EXOC6B: variants seen among roughly 807,000 people sequenced by gnomAD.
EXOC6B encodes SEC15 homolog B.
In EXOC6B, 54 loss-of-function variants were observed where a neutral mutation model predicts 113.5. That is an observed-to-expected ratio of 0.48 (90% CI 0.38 to 0.60). EXOC6B has a LOEUF of 0.60. EXOC6B is among the 20% of genes least tolerant of loss of function. The probability of loss-of-function intolerance (pLI) is 0.00; values close to 1 mark genes in which losing one functional copy is unlikely to be tolerated. For missense variants in EXOC6B, 797 were observed against 977.5 expected, an observed-to-expected ratio of 0.82 and a Z score of 2.46; for synonymous variants, 357 against 339.0, an observed-to-expected ratio of 1.05 and a Z score of -0.58.
intron 16 of EXOC6B, among the ~76,000 whole-genome samples, chr2:72,489,569 G>A (rs1408300458): frequency 6.6e-6 from 1 of 152,102 alleles, no homozygotes; most frequent in Non-Finnish European, 1.5e-5. Context: ...ACATTCCTGT[G>A]AAATACATGC....
intron 18 of EXOC6B, among the ~76,000 whole-genome samples, chr2:72,392,109 C>T (rs1245816912): frequency 3.9e-5 from 6 of 151,986 alleles, no homozygotes; most frequent in African/African-American, 1.5e-4. Flanking sequence ...GTCCTGGTTC[C>T]TCATTTCTGT....
rs180951377 is a variant in EXOC6B at position 72,423,328 on chromosome 2, C to T, written c.1980+41832G>A. On this transcript the variant is annotated intron_variant, in intron 18 of 21. Transcript: ENST00000272427. ...CCACCTTAAGAGCTGTAACACTCAC[C>T]GCGAGGGTCCGTGGCTTCATTCTCG... Among the ~76,000 whole-genome samples, 412 of 152,206 alleles carry T rather than the reference C, an allele frequency of 2.7e-3. 1 individual carries two copies. The highest frequency in any genetic ancestry group is 9.3e-3 in the African/African-American group (386 of 41,536).
intron 18 of EXOC6B, among the ~76,000 whole-genome samples, chr2:72,447,287 T>C (rs1357149146): frequency 1.3e-5 from 2 of 152,212 alleles, no homozygotes; most frequent in African/African-American, 4.8e-5. Flanking sequence ...TTTATTTCAT[T>C]TTTGTATCAT....
Position 72,184,156 on chromosome 2 carries a change from G to A in EXOC6B, c.2228C>T (p.Ser743Leu). The A allele has an allele frequency of 6.4e-7, 1 of 1,558,846 alleles. No individual in the cohort carries two copies. The highest frequency in any genetic ancestry group is 8.7e-7 in the Non-Finnish European group (1 of 1,150,498). The change falls in exon 21 of 22, where the codon TCA becomes TTA. Residue 743 changes from serine (S) to leucine (L), a missense_variant. Coordinates refer to ENST00000272427, the MANE Select transcript of EXOC6B (RefSeq NM_015189.3). ...CTGACCATAGTCAGCAAGGTAGGTT[G>A]ACCAATCCCACTGGATGAAAAGATC... ...LLDLFIQWDWSTYLADYGQPN... is the reference protein window; with the variant it reads ...LLDLFIQWDWLTYLADYGQPN...
chr2:72,223,280 C>T (rs536313103), intron 20 of EXOC6B, among the ~76,000 whole-genome samples: 12 of 152,302 alleles, frequency 7.9e-5, no homozygotes, highest in South Asian at 2.1e-4. Context: ...TGTTTTAAAT[C>T]GGACCATACA....
chr2:72,704,603 A>T (rs898947968), intron 6 of EXOC6B, among the ~76,000 whole-genome samples: 6 of 152,186 alleles, frequency 3.9e-5, no homozygotes, highest in Non-Finnish European at 7.3e-5. Flanking sequence ...AGAAAAAAAG[A>T]GAGAAGAATC....
chr2:72,559,550 T>A (rs1703766423), intron 7 of EXOC6B, 29 bp from the exon 8 acceptor site: 7 of 1,589,894 alleles, frequency 4.4e-6, no homozygotes, highest in Middle Eastern at 3.4e-4. Context: ...AACAAAAAAA[T>A]TCAAACAAAG....
chr2:72,807,900 T>C (rs1292266774), intron 1 of EXOC6B, among the ~76,000 whole-genome samples: 4 of 151,888 alleles, frequency 2.6e-5, no homozygotes, highest in South Asian at 2.1e-4. Context: ...CACAACAGGA[T>C]GACTATAGTC....
At chr2:72,640,786 A>C (rs1157358321) in intron 6 of EXOC6B, among the ~76,000 whole-genome samples, 1 of 152,194 alleles carries the variant, frequency 6.6e-6, no homozygotes, top group Non-Finnish European at 1.5e-5. Flanking sequence ...AAAATCTGCC[A>C]AGCAAATAGA....
At chr2:72,705,262 G>C (rs1253261549) in intron 6 of EXOC6B, among the ~76,000 whole-genome samples, 2 of 152,114 alleles carry the variant, frequency 1.3e-5, no homozygotes, top group East Asian at 3.9e-4. Flanking sequence ...AAAAGCCTTT[G>C]ACAAAATTCA....
At chr2:72,493,856 T>C (rs1470631381) in intron 15 of EXOC6B, among the ~76,000 whole-genome samples, 1 of 152,110 alleles carries the variant, frequency 6.6e-6, no homozygotes, top group Non-Finnish European at 1.5e-5. Flanking sequence ...TGCATTAAAA[T>C]CTGAATGCAG....
intron 6 of EXOC6B, among the ~76,000 whole-genome samples, chr2:72,603,070 A>G (rs1322067957): frequency 5.1e-5 from 2 of 39,224 alleles, no homozygotes; most frequent in African/African-American, 1.4e-4. Context: ...GTACGGACAG[A>G]TGGTTTTTTT....
intron 20 of EXOC6B, among the ~76,000 whole-genome samples, chr2:72,192,029 G>C (rs1678872397): frequency 6.6e-6 from 1 of 152,142 alleles, no homozygotes; most frequent in Non-Finnish European, 1.5e-5. Flanking sequence ...CCTCCTCCTG[G>C]ACTGTCTGTT....
chr2:72,547,309 C>T (rs930074927), intron 8 of EXOC6B, among the ~76,000 whole-genome samples: 2 of 152,048 alleles, frequency 1.3e-5, no homozygotes, highest in Admixed American at 6.6e-5. Flanking sequence ...CTAAAAATGT[C>T]CATGTATTTT....
At chr2:72,189,016 A>G (rs1346390066) in intron 20 of EXOC6B, among the ~76,000 whole-genome samples, 2 of 152,198 alleles carry the variant, frequency 1.3e-5, no homozygotes, top group African/African-American at 4.8e-5. Flanking sequence ...GTTCCTAAGG[A>G]TTAGGAATAT....
In EXOC6B at chr2:72,514,946, C is replaced by CATACACAG. The variant is rs1353603032; in HGVS notation, c.999+96_999+97insCTGTGTAT. The stretch of plus-strand genomic sequence containing the variant: ...TGGTCTCAGAATGACAGTAAACACA[C>CATACACAG]ACACACAGACACACACACACACACA... On this transcript the variant is annotated intron_variant, in intron 9 of 21. Transcript: ENST00000272427. 1.8e-4 allele frequency: 187 copies of CATACACAG among 1,043,918 alleles called. No individual in the cohort carries two copies. The African/African-American group carries it at 4.3e-3, about 24-fold the overall frequency. 64.7% of individuals were successfully genotyped at this position (1,043,918 alleles called of 1,614,324 possible).
intron 18 of EXOC6B, among the ~76,000 whole-genome samples, chr2:72,404,169 C>T (rs1693555884): frequency 6.6e-6 from 1 of 152,092 alleles, no homozygotes; most frequent in Admixed American, 6.5e-5. Context: ...GGGAGGGGCG[C>T]CCACCATTGC....
At chr2:72,767,057 C>T (rs1245366399) in intron 1 of EXOC6B, among the ~76,000 whole-genome samples, 2 of 150,404 alleles carry the variant, frequency 1.3e-5, no homozygotes, top group Non-Finnish European at 3.0e-5. Flanking sequence ...AAAAATGAAA[C>T]ATGGGACACC....
chr2:72,558,417 C>G (rs1703692541), intron 8 of EXOC6B, among the ~76,000 whole-genome samples: 1 of 152,102 alleles, frequency 6.6e-6, no homozygotes, highest in Admixed American at 6.5e-5. Context: ...ACCATAAAGT[C>G]CATAGCTCAG....
Sources: allele counts gnomAD v4.1 joint callset (sites outside exome capture counted in the v4.1 genomes callset), GRCh38; gene constraint gnomAD v4.1.1; transcripts MANE v1.5; gene names NCBI Gene and HGNC (gene_info 2026-07-23, HGNC 2026-07-21).